BRIP1: variants seen among roughly 807,000 people sequenced by gnomAD.
BRIP1 encodes Fanconi anemia group J protein.
Under a neutral mutation model 119.7 loss-of-function variants are expected in BRIP1, and 88 were observed. The ratio of observed to expected loss-of-function variants is 0.74; its 90% confidence interval spans 0.62 to 0.88. The LOEUF (loss-of-function observed/expected upper bound fraction) is 0.88, where lower values mean the gene tolerates loss of function less well. BRIP1 is among the 40% of genes least tolerant of loss of function. BRIP1 has a pLI of 0.00. For missense variants in BRIP1, 1,259 were observed against 1,455.4 expected, an observed-to-expected ratio of 0.87 and a Z score of 2.20; for synonymous variants, 443 against 496.5, an observed-to-expected ratio of 0.89 and a Z score of 1.43.
In BRIP1 at chr17:61,793,749, T is replaced by C. The variant is rs1567825399; in HGVS notation, c.1341-20A>G. ...AACCAACTGAAATAAAATAAAACAATTGTGTCAACCAGTATCATCCTTACA... is the reference window on the plus strand; with the variant it reads ...AACCAACTGAAATAAAATAAAACAACTGTGTCAACCAGTATCATCCTTACA... On this transcript the variant is annotated intron_variant, in intron 9 of 19. Coordinates refer to ENST00000259008, the MANE Select transcript of BRIP1 (RefSeq NM_032043.3). The surrounding 1 kb of genome is among the most constrained non-coding windows in gnomAD (Gnocchi z 5.2). The C allele has an allele frequency of 1.2e-6, 2 of 1,604,710 alleles. No homozygotes were observed. The highest frequency in any genetic ancestry group is 1.7e-6 in the Non-Finnish European group (2 of 1,177,258).
chr17:61,811,110 T>C (rs1249183655), intron 6 of BRIP1, among the ~76,000 whole-genome samples: 1 of 152,210 alleles, frequency 6.6e-6, no homozygotes, highest in Non-Finnish European at 1.5e-5. Context: ...CAGCTAACTT[T>C]ATATTAAATG....
In BRIP1 at chr17:61,861,625, A is replaced by G. The variant is rs2078975153; in HGVS notation, c.-30-56T>C. 1 of 1,004,962 alleles carries G rather than the reference A, an allele frequency of 1.0e-6. No homozygotes were observed. Among genetic ancestry groups the G allele is most frequent in the Admixed American group, 1.8e-5 (1 of 56,032 alleles). The allele number at this position is 1,004,962 out of a possible 1,614,324, so 62.3% of individuals were successfully genotyped here. On this transcript the variant is annotated intron_variant, in intron 1 of 19. Coordinates refer to ENST00000259008, the MANE Select transcript of BRIP1 (RefSeq NM_032043.3). The surrounding 1 kb of genome is among the most constrained non-coding windows in gnomAD (Gnocchi z 4.5). The stretch of plus-strand genomic sequence containing the variant: ...AGACACGCCTTACAAAGAAAACCAG[A>G]GAACCAAAACTAAGGGAGAAATCTG...
intron 14 of BRIP1, among the ~76,000 whole-genome samples, chr17:61,773,569 A>G (rs2077490496): frequency 6.6e-6 from 1 of 152,124 alleles, no homozygotes; most frequent in Non-Finnish European, 1.5e-5. Flanking sequence ...ATGGGATCTA[A>G]TTAAACTAAA....
At chr17:61,750,572 T>C (rs1307073229) in intron 14 of BRIP1, among the ~76,000 whole-genome samples, 1 of 152,034 alleles carries the variant, frequency 6.6e-6, no homozygotes, top group East Asian at 1.9e-4. Context: ...GTTAAAATGA[T>C]AGTACACAGA....
At chr17:61,781,052 T>C (rs2145099428) in intron 11 of BRIP1, 47 bp from the exon 12 acceptor site, 1 of 1,572,762 alleles carries the variant, frequency 6.4e-7, no homozygotes, top group Non-Finnish European at 8.7e-7. Flanking sequence ...TTTTAAAACC[T>C]ATGACCCAGC....
At position 61,769,439 on chromosome 17, in the gene BRIP1, A is replaced by G. The variant is rs1226621894; in HGVS notation, c.2097+6962T>C. ...GTCAGTATCAAACCCCTCTGAAATGAAAACTAGATGGCATAATATTAATAC... is the reference window on the plus strand; with the variant it reads ...GTCAGTATCAAACCCCTCTGAAATGGAAACTAGATGGCATAATATTAATAC... On this transcript the variant is annotated intron_variant, in intron 14 of 19. Coordinates refer to ENST00000259008, the MANE Select transcript of BRIP1 (RefSeq NM_032043.3). This position sits in a 1 kb window ranked among gnomAD's most constrained non-coding sequence, Gnocchi z 4.9. 1.3e-5 allele frequency among the ~76,000 whole-genome samples: 2 copies of G among 152,184 alleles called. No homozygotes were observed. Among genetic ancestry groups the G allele is most frequent in the African/African-American group, 4.8e-5 (2 of 41,458 alleles).
Position 61,753,936 on chromosome 17 carries a change from A to C in BRIP1, c.2098-9345T>G, listed in dbSNP as rs2077167651. 6.6e-6 allele frequency among the ~76,000 whole-genome samples: 1 copy of C among 152,122 alleles called. No homozygotes were observed. Among genetic ancestry groups the C allele is most frequent in the Non-Finnish European group, 1.5e-5 (1 of 68,030 alleles). On this transcript the variant is annotated intron_variant, in intron 14 of 19. Transcript: ENST00000259008. This position sits in a 1 kb window ranked among gnomAD's most constrained non-coding sequence, Gnocchi z 4.6. ...CCCTCATCTCTACTACTGCTCATCC[A>C]ATTCATCAGCAAATCCTGCCAGCAC...
In BRIP1 at chr17:61,735,527, A is replaced by C. The variant is rs919256534; in HGVS notation, c.2379+7486T>G. On this transcript the variant is annotated intron_variant, in intron 16 of 19. Transcript: ENST00000259008. The surrounding 1 kb of genome is among the most constrained non-coding windows in gnomAD (Gnocchi z 4.4). Reference sequence around the variant, plus strand: ...CTTAGGGCTAGGCACGGTGGCTCACACTTGTAATCCCAGCACTTTGGGAGG... The same window carrying C: ...CTTAGGGCTAGGCACGGTGGCTCACCCTTGTAATCCCAGCACTTTGGGAGG... 2.6e-5 allele frequency among the ~76,000 whole-genome samples: 4 copies of C among 151,844 alleles called. No individual in the cohort carries two copies. Among genetic ancestry groups the C allele is most frequent in the African/African-American group, 9.7e-5 (4 of 41,324 alleles).
intron 14 of BRIP1, among the ~76,000 whole-genome samples, chr17:61,771,725 C>T (rs910815698): frequency 4.5e-4 from 68 of 152,142 alleles, no homozygotes; most frequent in African/African-American, 1.6e-3. Context: ...TTTGGGAGGC[C>T]GAGGCAGGCA....
rs1280199972 is a variant in BRIP1, at chr17:61,748,034, A to C, written c.2098-3443T>G. Among the ~76,000 whole-genome samples the C allele has an allele frequency of 6.6e-6, 1 of 151,866 alleles. No homozygotes were observed. The highest frequency in any genetic ancestry group is 1.5e-5 in the Non-Finnish European group (1 of 67,978). ...ATTACAGGTGTGAGCCACTATGCAC[A>C]GTCCTCTATGAAACATTTAAAGCAG... On this transcript the variant is annotated intron_variant, in intron 14 of 19. Coordinates refer to ENST00000259008, the MANE Select transcript of BRIP1 (RefSeq NM_032043.3). This position sits in a 1 kb window ranked among gnomAD's most constrained non-coding sequence, Gnocchi z 4.7.
chr17:61,724,198 C>T lies in BRIP1; in HGVS notation c.2380-8135G>A, dbSNP rs912657243. ...AAGGCATTGATAATTAAGACTGAGG[C>T]GGTTTAGAATTGGGTAAAAATACCC... is the stretch of plus-strand genomic sequence containing the variant. On this transcript the variant is annotated intron_variant, in intron 16 of 19. Transcript: ENST00000259008. The surrounding 1 kb of genome is among the most constrained non-coding windows in gnomAD (Gnocchi z 5.1). 1.3e-5 allele frequency among the ~76,000 whole-genome samples: 2 copies of T among 151,870 alleles called. No homozygotes were observed. Among genetic ancestry groups the T allele is most frequent in the East Asian group, 1.9e-4 (1 of 5,186 alleles).
In BRIP1 at chr17:61,685,820, G is replaced by C. The variant is rs778341139; in HGVS notation, c.2905+16C>G. ...AGACTTCTCTATCAAAGGTAAATGG[G>C]AAGAACTTTTCATACTTTTCTCCTT... On this transcript the variant is annotated intron_variant, in intron 19 of 19. Transcript: ENST00000259008. The C allele has an allele frequency of 6.3e-7, 1 of 1,584,438 alleles. No individual in the cohort carries two copies. The highest frequency in any genetic ancestry group is 2.2e-5 in the East Asian group (1 of 44,684).
At chr17:61,850,785 G>A (rs371418879) in intron 4 of BRIP1, among the ~76,000 whole-genome samples, 5 of 144,634 alleles carry the variant, frequency 3.5e-5, no homozygotes, top group East Asian at 4.4e-4. Flanking sequence ...CTGAGATCGC[G>A]CCATGCACTC....
In BRIP1 at chr17:61,755,202, G is replaced by A. The variant is rs2144792311; in HGVS notation, c.2098-10611C>T. 6.6e-6 allele frequency among the ~76,000 whole-genome samples: 1 copy of A among 152,276 alleles called. No homozygotes were observed. The highest frequency in any genetic ancestry group is 1.9e-4 in the East Asian group (1 of 5,190). ...AAAATGAAGGTCCAAAACAATGGAA[G>A]GTCAGGGAGGAGAGTAGGGAGGGGT... On this transcript the variant is annotated intron_variant, in intron 14 of 19. Transcript: ENST00000259008. The surrounding 1 kb of genome is among the most constrained non-coding windows in gnomAD (Gnocchi z 4.5).
At position 61,685,853 on chromosome 17, in the gene BRIP1, A is replaced by G. The variant is rs2144107952; in HGVS notation, c.2888T>C (p.Ile963Thr). 6.2e-7 allele frequency: 1 copy of G among 1,611,842 alleles called. No homozygotes were observed. The highest frequency in any genetic ancestry group is 8.5e-7 in the Non-Finnish European group (1 of 1,178,498). The stretch of plus-strand genomic sequence containing the variant: ...TTTCATACTTTTCTCCTTTCTGGAG[A>G]TAATGCTACTTGGTAGAGGTGAATT... ...TKNSPLPSSI[I>T]SRKEKNDPVF... The change falls in exon 19 of 20, where the codon ATC becomes ACC. Residue 963 changes from isoleucine (I) to threonine (T), a missense_variant. Around this residue, in one of 3 missense-constraint regions of BRIP1, gnomAD observed 753 missense variants for 891.8 expected, o/e 0.84. Coordinates refer to ENST00000259008, the MANE Select transcript of BRIP1 (RefSeq NM_032043.3).
At chr17:61,764,604 G>C (rs2077324472) in intron 14 of BRIP1, among the ~76,000 whole-genome samples, 1 of 152,050 alleles carries the variant, frequency 6.6e-6, no homozygotes, top group Admixed American at 6.6e-5. Flanking sequence ...AGATTAACTG[G>C]GTAGATATTA....
chr17:61,787,789 C>CAT (rs2077755107), intron 10 of BRIP1, among the ~76,000 whole-genome samples: 1 of 152,078 alleles, frequency 6.6e-6, no homozygotes, highest in South Asian at 2.1e-4. Flanking sequence ...GGACTACAGG[C>CAT]GCCCGCCACC....
rs757217271 is a variant in BRIP1, at chr17:61,845,298, T to TG, written c.627+1802dup. On this transcript the variant is annotated intron_variant, in intron 6 of 19. Coordinates refer to ENST00000259008, the MANE Select transcript of BRIP1 (RefSeq NM_032043.3). This position sits in a 1 kb window ranked among gnomAD's most constrained non-coding sequence, Gnocchi z 4.2. The stretch of plus-strand genomic sequence containing the variant: ...AAACAAATCTGTGGTTGCCTGGGAA[T>TG]GGGGGGACAGGGCAGAAAAAAGGTC... Among the ~76,000 whole-genome samples, 3 of 152,110 alleles carry TG rather than the reference T, an allele frequency of 2.0e-5. No individual in the cohort carries two copies. Among genetic ancestry groups the TG allele is most frequent in the Admixed American group, 6.5e-5 (1 of 15,272 alleles).
rs1476731689 is a variant in BRIP1, at chr17:61,720,799, T to C, written c.2380-4736A>G. On this transcript the variant is annotated intron_variant, in intron 16 of 19. Transcript: ENST00000259008. The surrounding 1 kb of genome is among the most constrained non-coding windows in gnomAD (Gnocchi z 4.3). ...ATACTTTACTAAATTGTAAACCTAC[T>C]CAAGAAAAAACAAAGTATTTTCCGT... is the stretch of plus-strand genomic sequence containing the variant. Among the ~76,000 whole-genome samples the C allele has an allele frequency of 6.6e-6, 1 of 152,146 alleles. No individual in the cohort carries two copies. Among genetic ancestry groups the C allele is most frequent in the Non-Finnish European group, 1.5e-5 (1 of 68,034 alleles).
Sources: allele counts gnomAD v4.1 joint callset (sites outside exome capture counted in the v4.1 genomes callset), GRCh38; gene constraint gnomAD v4.1.1; regional missense constraint gnomAD v4.1.1; non-coding constraint Gnocchi (gnomAD v3.1); transcripts MANE v1.5; gene names NCBI Gene and HGNC (gene_info 2026-07-23, HGNC 2026-07-21).